MPP4: variants seen among roughly 807,000 people sequenced by gnomAD.
The protein encoded by MPP4 is MAGUK p55 subfamily member 4.
In MPP4, 91 loss-of-function variants were observed where a neutral mutation model predicts 98.3. The ratio of observed to expected loss-of-function variants is 0.93; its 90% CI spans 0.78 to 1.10. MPP4 has a LOEUF of 1.10. Among genes scored for constraint, MPP4 ranks in the 50% least tolerant of loss-of-function variants. The pLI, the probability that MPP4 is intolerant of heterozygous loss-of-function variation, is 0.00. For missense variants in MPP4, 744 were observed against 792.9 expected, an observed-to-expected ratio of 0.94 and a Z score of 0.74; for synonymous variants, 261 against 271.8, an observed-to-expected ratio of 0.96 and a Z score of 0.39.
chr2:201,653,042 C>T (rs1457781527), intron 18 of MPP4, among the ~76,000 whole-genome samples: 1 of 152,176 alleles, frequency 6.6e-6, no homozygotes, highest in South Asian at 2.1e-4. Flanking sequence ...CCTTCCAAAG[C>T]CTGATATATT....
intron 17 of MPP4, among the ~76,000 whole-genome samples, chr2:201,655,994 T>G (rs1687835745): frequency 6.6e-6 from 1 of 152,246 alleles, no homozygotes; most frequent in African/African-American, 2.4e-5. Context: ...CATAACACAT[T>G]CACTTGTAGA....
chr2:201,693,946 C>G lies in MPP4; in HGVS notation c.9G>C (p.Gln3His). MI[Q>H]SDKGADPPDK... ...CTGGTGGATCTGCTCCTTTGTCTGA[C>G]TGTATCATCCTCCCTGCCGGAGCTT... The change falls in exon 2 of 22, where the codon CAG (glutamine) becomes CAC (histidine). Residue 3 changes from glutamine to histidine, a missense_variant. Coordinates refer to ENST00000409474, the MANE Select transcript of MPP4 (RefSeq NM_033066.3). 6.2e-7 allele frequency: 1 copy of G among 1,614,002 alleles called. No individual in the cohort carries two copies. Among genetic ancestry groups the G allele is most frequent in the Non-Finnish European group, 8.5e-7 (1 of 1,179,866 alleles).
At chr2:201,657,590 G>GTTTTTTTTGTTTTTTTTTTT (rs1687884945) in intron 16 of MPP4, among the ~76,000 whole-genome samples, 2 of 91,124 alleles carry the variant, frequency 2.2e-5, no homozygotes, top group Non-Finnish European at 2.2e-5. Flanking sequence ...CCTGGCCCTT[G>GTTTTTTTTGTTTTTTTTTTT]TTTTTTTTTT....
At chr2:201,666,435 T>G in intron 12 of MPP4, 63 bp from the exon 13 acceptor site, 1 of 1,353,532 alleles carries the variant, frequency 7.4e-7, no homozygotes, top group South Asian at 1.4e-5. Flanking sequence ...AAAAGAAAAT[T>G]CCCGGCCAGG....
At position 201,685,797 on chromosome 2, in the gene MPP4, GTTA is replaced by G. The variant is rs1688812014; in HGVS notation, c.492+119_492+121del. ...GGCAAAACTTGCAGAGTTGACAGCC[GTTA>G]TTATCACTGTATATGTGATCGCAGG... On this transcript the variant is annotated intron_variant, in intron 6 of 21. Coordinates refer to ENST00000409474, the MANE Select transcript of MPP4 (RefSeq NM_033066.3). 9 of 1,131,124 alleles carry G rather than the reference GTTA, an allele frequency of 8.0e-6. 1 individual carries two copies. In the Admixed American group the frequency reaches 1.5e-4, roughly 19 times the overall value. 70.1% of individuals were successfully genotyped at this position (1,131,124 alleles called of 1,614,324 possible).
chr2:201,665,372 A>G (rs1688150419), intron 13 of MPP4: 1 of 152,128 alleles, frequency 6.6e-6, no homozygotes, highest in Non-Finnish European at 1.5e-5. Flanking sequence ...GCCCGGCCAC[A>G]TCATTGCTTT....
chr2:201,660,694 T>G (rs1244478912), intron 14 of MPP4, among the ~76,000 whole-genome samples: 1 of 152,020 alleles, frequency 6.6e-6, no homozygotes, highest in Non-Finnish European at 1.5e-5. Flanking sequence ...TTCTCCCTCC[T>G]CTCTCCCCGA....
At chr2:201,656,125 C>A in intron 17 of MPP4, 73 bp downstream of exon 17, 2 of 1,442,660 alleles carry the variant, frequency 1.4e-6, no homozygotes, top group Non-Finnish European at 1.8e-6. Context: ...ACCATTATTC[C>A]CAATGCAAGA....
chr2:201,649,533 G>C, intron 20 of MPP4, 43 bp downstream of exon 20: 1 of 1,364,390 alleles, frequency 7.3e-7, no homozygotes, highest in South Asian at 1.2e-5. Context: ...TGGATGATAC[G>C]CATTCATTGT....
intron 13 of MPP4, chr2:201,665,634 T>C (rs955978430): frequency 6.6e-6 from 1 of 152,256 alleles, no homozygotes; most frequent in East Asian, 1.9e-4. Flanking sequence ...GTCAGCAGTA[T>C]TCTGCTGTTG....
chr2:201,651,962 A>AAAAC (rs10657011), intron 18 of MPP4: 608,425 of 845,250 alleles, frequency 0.72, 216,959 homozygotes, highest in East Asian at 0.9. Flanking sequence ...CAAACAAAAC[A>AAAAC]AAACAAACAG....
intron 13 of MPP4, chr2:201,664,318 G>T (rs1688106702): frequency 6.9e-7 from 1 of 1,452,086 alleles, no homozygotes; most frequent in African/African-American, 1.4e-5. Context: ...CATGATGACA[G>T]TCAGGGGTGC....
In MPP4 at chr2:201,647,807, T is replaced by C. The variant is rs775762268; in HGVS notation, c.1603A>G (p.Thr535Ala). The C allele has an allele frequency of 1.9e-6, 3 of 1,613,030 alleles. No homozygotes were observed. Among genetic ancestry groups the C allele is most frequent in the Non-Finnish European group, 2.5e-6 (3 of 1,179,272 alleles). ...ATGACATAGGGCTTCAGTTCATGGG[T>C]TCGAACCCCTTGAATATCCTACACA... The part of the protein sequence containing the change: ...LEPQDIQGVR[T>A]HELKPYVIFI... The change falls in exon 21 of 22, where the codon ACC becomes GCC. Residue 535 changes from threonine (T) to alanine (A), a missense_variant. By Grantham distance (58) the Thr-to-Ala change is moderately conservative. Coordinates refer to ENST00000409474, the MANE Select transcript of MPP4 (RefSeq NM_033066.3).
intron 16 of MPP4, among the ~76,000 whole-genome samples, chr2:201,657,861 C>G (rs554175795): frequency 1.3e-5 from 2 of 152,158 alleles, no homozygotes; most frequent in East Asian, 3.9e-4. Flanking sequence ...GCTCCTTACT[C>G]TCCACCTTTG....
At chr2:201,666,484 G>T (rs1688178526) in intron 12 of MPP4, 112 bp from the exon 13 acceptor site, 1 of 744,516 alleles carries the variant, frequency 1.3e-6, no homozygotes, top group African/African-American at 1.8e-5. Context: ...ACTCTGGGAG[G>T]CCGAGGCGGG....
rs114339274 is a variant in MPP4 at position 201,653,562 on chromosome 2, T to C, written c.1381+1275A>G. Among the ~76,000 whole-genome samples, 266 of 152,340 alleles carry C rather than the reference T, an allele frequency of 1.7e-3. 1 individual carries two copies. The highest frequency in any genetic ancestry group is 6.0e-3 in the African/African-American group (250 of 41,590). ...ACAGATGTGCATCTTAGTGCCTCAG[T>C]CAAAATTTTAACTTTCTTTTACACA... On this transcript the variant is annotated intron_variant, in intron 18 of 21. Coordinates refer to ENST00000409474, the MANE Select transcript of MPP4 (RefSeq NM_033066.3).
chr2:201,688,777 T>TTTG (rs893127806), intron 4 of MPP4, among the ~76,000 whole-genome samples: 1 of 152,012 alleles, frequency 6.6e-6, no homozygotes, highest in Admixed American at 6.6e-5. Flanking sequence ...CCAGCTAATT[T>TTTG]TTGTTGTTGT....
intron 18 of MPP4, chr2:201,650,956 T>C (rs538427705): frequency 1.0e-6 from 1 of 985,404 alleles, no homozygotes; most frequent in African/African-American, 1.7e-5. Context: ...ATTTGTTGTC[T>C]GCTCATTCAT....
chr2:201,660,295 G>A, intron 15 of MPP4, 37 bp downstream of exon 15: 1 of 1,564,654 alleles, frequency 6.4e-7, no homozygotes, highest in Non-Finnish European at 8.8e-7. Flanking sequence ...CTTAAACATA[G>A]TTCTATTTGG....
Sources: allele counts gnomAD v4.1 joint callset (sites outside exome capture counted in the v4.1 genomes callset), GRCh38; gene constraint gnomAD v4.1.1; transcripts MANE v1.5; gene names NCBI Gene and HGNC (gene_info 2026-07-23, HGNC 2026-07-21).